Variants in EPC1 observed in about 807,000 individuals in gnomAD.
EPC1 encodes enhancer of polycomb homolog 1.
In EPC1, 12 loss-of-function variants were observed where a neutral mutation model predicts 98.4. The observed-to-expected ratio is 0.12, with a 90% CI of 0.08 to 0.20. The LOEUF is 0.20. EPC1 is among the 10% of genes least tolerant of loss of function. The pLI is 1.00. For synonymous variants in EPC1, 357 were observed against 363.9 expected, an observed-to-expected ratio of 0.98 and a Z score of 0.21; for missense variants, 729 against 990.5, an observed-to-expected ratio of 0.74 and a Z score of 3.54.
chr10:32,309,184 G>C (rs1374527344), intron 1 of EPC1, among the ~76,000 whole-genome samples: 1 of 152,162 alleles, frequency 6.6e-6, no homozygotes, highest in Non-Finnish European at 1.5e-5. Flanking sequence ...TAGTGAGATA[G>C]AATGAATAAG....
chr10:32,374,601 G>A (rs572511756), intron 1 of EPC1: 3 of 152,182 alleles, frequency 2.0e-5, no homozygotes, highest in Non-Finnish European at 4.4e-5. Flanking sequence ...CTTGATGCCC[G>A]AATCATGGTC....
chr10:32,365,897 GCCGAGATGGGTGGATCAC>G (rs569610608), intron 1 of EPC1, among the ~76,000 whole-genome samples: 77 of 149,692 alleles, frequency 5.1e-4, no homozygotes, highest in African/African-American at 1.9e-3. Flanking sequence ...GCTTTGGGGG[GCCGAGATGGGTGGATCAC>G]CTGAGGTCAG....
At chr10:32,327,900 T>C (rs1403320368) in intron 1 of EPC1, among the ~76,000 whole-genome samples, 2 of 152,218 alleles carry the variant, frequency 1.3e-5, no homozygotes, top group African/African-American at 2.4e-5. Context: ...CATAAATGTA[T>C]GTATGATCAC....
At chr10:32,324,427 A>G (rs892785606) in intron 1 of EPC1, among the ~76,000 whole-genome samples, 49 of 151,088 alleles carry the variant, frequency 3.2e-4, no homozygotes, top group African/African-American at 1.1e-3. Flanking sequence ...GCTACTCAGG[A>G]GGCTGAGGCA....
At position 32,268,571 on chromosome 10, in the gene EPC1, C is replaced by T. The variant is rs1309596567; in HGVS notation, c.*492G>A. 6.6e-6 allele frequency: 1 copy of T among 151,328 alleles called. No homozygotes were observed. The highest frequency in any genetic ancestry group is 1.5e-5 in the Non-Finnish European group (1 of 67,992). 9.4% of individuals were successfully genotyped at this position (151,328 alleles called of 1,614,324 possible). On this transcript the variant is annotated 3_prime_UTR_variant, in exon 14 of 14. Coordinates refer to ENST00000319778, the MANE Select transcript of EPC1 (RefSeq NM_001272004.3). ...ACCATTTACAAAATACCAAGGAGTC[C>T]ACAGCTACCTAACACATTTACTACA...
intron 5 of EPC1, chr10:32,292,233 C>A: frequency 4.6e-6 from 1 of 216,748 alleles, no homozygotes; most frequent in East Asian, 1.2e-4. Context: ...AACTCAAGTC[C>A]TACATGCAAC....
Position 32,285,003 on chromosome 10 carries a change from T to G in EPC1, c.1439A>C (p.His480Pro). The stretch of plus-strand genomic sequence containing the variant: ...TGAGGAAAGCATTTCCAAATCCAGA[T>G]GGTGAAACACACTGTCATAGTCTGA... ...AHSDYDSVFHHLDLEMLSSPQ... is the reference protein window; with the variant it reads ...AHSDYDSVFHPLDLEMLSSPQ... Residue 480 changes from histidine (H) to proline (P), a missense_variant, in exon 10 of 14, where the codon CAT becomes CCT. This residue lies in a region of EPC1 where 390 missense variants were observed against 438.6 expected (regional missense o/e 0.89). Transcript: ENST00000319778. 2 of 1,614,206 alleles carry G rather than the reference T, an allele frequency of 1.2e-6. No homozygotes were observed. Among genetic ancestry groups the G allele is most frequent in the Non-Finnish European group, 1.7e-6 (2 of 1,180,032 alleles).
upstream of EPC1, chr10:32,347,303 T>C: frequency 1.5e-6 from 1 of 678,288 alleles, no homozygotes. Context: ...CCGGCCTCGC[T>C]TCCCGCGCCT....
At position 32,297,943 on chromosome 10, in the gene EPC1, G is replaced by A. The variant is rs979985029; in HGVS notation, c.314-4206C>T. ...CTCCCGAGTAGCTGGGACTACAGGC[G>A]CCCGCCACCACACCCAGCTAATTTT... On this transcript the variant is annotated intron_variant, in intron 2 of 13. Transcript: ENST00000319778. Among the ~76,000 whole-genome samples the A allele has an allele frequency of 6.6e-5, 10 of 152,074 alleles. No homozygotes were observed. In the East Asian group the frequency reaches 9.7e-4, roughly 15 times the overall value.
chr10:32,355,259 G>T (rs1839237618), intron 1 of EPC1, among the ~76,000 whole-genome samples: 1 of 152,192 alleles, frequency 6.6e-6, no homozygotes. Flanking sequence ...TGCAGTTGGA[G>T]AAGTGGTGGG....
At chr10:32,311,175 T>C (rs529705215) in intron 1 of EPC1, among the ~76,000 whole-genome samples, 2 of 151,254 alleles carry the variant, frequency 1.3e-5, no homozygotes, top group Non-Finnish European at 2.9e-5. Context: ...TAGCCGGGTG[T>C]GGTGGTGGGC....
At chr10:32,290,505 A>AGAAAGAAAG (rs1339569393) in intron 6 of EPC1, among the ~76,000 whole-genome samples, 2 of 77,476 alleles carry the variant, frequency 2.6e-5, no homozygotes, top group Non-Finnish European at 4.6e-5. Context: ...AAAAAAAAAA[A>AGAAAGAAAG]AAAGAAAGAA....
intron 1 of EPC1, among the ~76,000 whole-genome samples, chr10:32,370,930 C>T (rs1302322370): frequency 6.6e-6 from 1 of 152,182 alleles, no homozygotes; most frequent in South Asian, 2.1e-4. Flanking sequence ...CTAGACCACA[C>T]TAGCCCAAAC....
At chr10:32,329,876 G>C (rs953916944) in intron 1 of EPC1, among the ~76,000 whole-genome samples, 1 of 152,206 alleles carries the variant, frequency 6.6e-6, no homozygotes. Flanking sequence ...GCCTGTGACA[G>C]TCCTGTCATA....
chr10:32,365,360 G>C (rs984115430), intron 1 of EPC1, among the ~76,000 whole-genome samples: 25 of 151,996 alleles, frequency 1.6e-4, no homozygotes, highest in Non-Finnish European at 3.5e-4. Context: ...TCTGCAATTA[G>C]TCTGATAGTT....
At position 32,271,701 on chromosome 10, in the gene EPC1, G is replaced by C. The variant is rs1835852088; in HGVS notation, c.2222C>G (p.Ala741Gly). The C allele has an allele frequency of 2.5e-6, 4 of 1,614,086 alleles. No individual in the cohort carries two copies. Among genetic ancestry groups the C allele is most frequent in the African/African-American group, 2.7e-5 (2 of 74,922 alleles). The change falls in exon 13 of 14, where the codon GCC (alanine) becomes GGC (glycine). Residue 741 changes from alanine (A) to glycine (G), a missense_variant. Physicochemically the swap from Ala to Gly is moderately conservative, Grantham distance 60 (BLOSUM62 0). Transcript: ENST00000319778. The part of the protein sequence containing the change: ...NIRLTVPSSV[A>G]TVNSIAPINA... ...TATTGGGGCAATAGAGTTTACAGTG[G>C]CAACTGATGAAGGTACAGTTAATCG...
intron 1 of EPC1, among the ~76,000 whole-genome samples, chr10:32,367,076 A>G (rs1348081436): frequency 6.6e-6 from 1 of 152,144 alleles, no homozygotes; most frequent in Non-Finnish European, 1.5e-5. Context: ...GCTCACTGCA[A>G]CCTCCAGCTG....
chr10:32,378,651 C>T (rs1839918824), exon 1 of EPC1: 4 of 511,698 alleles, frequency 7.8e-6, no homozygotes, highest in Non-Finnish European at 1.4e-5. Flanking sequence ...CTTCCATGAT[C>T]GGTGGCCGAA....
intron 1 of EPC1, among the ~76,000 whole-genome samples, chr10:32,327,014 A>C (rs1190606101): frequency 7.1e-6 from 1 of 141,650 alleles, no homozygotes; most frequent in Non-Finnish European, 1.5e-5. Flanking sequence ...AAAAAAAAAA[A>C]AAAATCAATG....
Sources: gnomAD v4.1 joint callset for allele counts (sites outside exome capture counted in the v4.1 genomes callset) on GRCh38, gnomAD v4.1.1 for gene constraint, gnomAD v4.1.1 regional missense constraint, MANE v1.5 for transcripts, NCBI Gene and HGNC (gene_info 2026-07-23, HGNC 2026-07-21) for gene names.